Variants in SGCD observed in about 807,000 individuals in gnomAD.
SGCD encodes the protein sarcoglycan delta.
SGCD carries 18 observed loss-of-function variants against 36.6 expected under a neutral mutation model. The ratio of observed to expected loss-of-function variants is 0.49; its 90% CI spans 0.34 to 0.73. The LOEUF (loss-of-function observed/expected upper bound fraction) is 0.73. SGCD is among the 30% of genes least tolerant of loss of function. The pLI is 0.01. For missense variants in SGCD, 387 were observed against 346.7 expected, an observed-to-expected ratio of 1.12 and a Z score of -0.92; for synonymous variants, 133 against 130.6, an observed-to-expected ratio of 1.02 and a Z score of -0.12.
intron 1 of SGCD, among the ~76,000 whole-genome samples, chr5:156,021,230 C>T (rs576225564): frequency 6.6e-6 from 1 of 152,180 alleles, no homozygotes; most frequent in South Asian, 2.1e-4. Context: ...AGGGGCTTTT[C>T]ATAATTTTTT....
intron 6 of SGCD, among the ~76,000 whole-genome samples, chr5:156,608,967 CA>C (rs1761634899): frequency 6.6e-6 from 1 of 152,204 alleles, no homozygotes; most frequent in South Asian, 2.1e-4. Flanking sequence ...TTCCTGAATA[CA>C]GCACACTGAT....
At chr5:156,734,825 A>G (rs927232155) in intron 7 of SGCD, among the ~76,000 whole-genome samples, 1 of 152,192 alleles carries the variant, frequency 6.6e-6, no homozygotes, top group Non-Finnish European at 1.5e-5. Context: ...TATTTAGCTC[A>G]GTCAACTTTG....
chr5:156,461,028 G>T (rs1754462475), intron 3 of SGCD, among the ~76,000 whole-genome samples: 1 of 152,154 alleles, frequency 6.6e-6, no homozygotes, highest in African/African-American at 2.4e-5. Context: ...AGCTCATAGA[G>T]AAAGTGGTTC....
intron 6 of SGCD, among the ~76,000 whole-genome samples, chr5:156,628,525 A>G (rs552178141): frequency 6.6e-6 from 1 of 152,260 alleles, no homozygotes; most frequent in East Asian, 1.9e-4. Flanking sequence ...TACTTAGTTT[A>G]TAATGAGAAC....
chr5:155,972,830 A>G (rs534020691), intron 1 of SGCD, among the ~76,000 whole-genome samples: 26 of 152,260 alleles, frequency 1.7e-4, no homozygotes, highest in Non-Finnish European at 3.4e-4. Context: ...TGATTTCAAG[A>G]ATCTTTTCAT....
At chr5:155,871,080 G>A (rs563432571) in intron 1 of SGCD, among the ~76,000 whole-genome samples, 1 of 152,108 alleles carries the variant, frequency 6.6e-6, no homozygotes, top group East Asian at 1.9e-4. Context: ...GACTTGGATT[G>A]CAAGAGGAAG....
intron 7 of SGCD, among the ~76,000 whole-genome samples, chr5:156,728,970 C>G (rs1755923231): frequency 6.6e-6 from 1 of 152,116 alleles, no homozygotes; most frequent in Non-Finnish European, 1.5e-5. Context: ...CAGGAAGAAG[C>G]CCTTGAAACC....
chr5:156,190,538 A>T (rs1021683386), intron 3 of SGCD, among the ~76,000 whole-genome samples: 2 of 152,122 alleles, frequency 1.3e-5, no homozygotes, highest in African/African-American at 4.8e-5. Flanking sequence ...CCAAATCAAT[A>T]ATATCTGCTA....
upstream of SGCD, among the ~76,000 whole-genome samples, chr5:155,869,857 G>T (rs1755597794): frequency 6.6e-6 from 1 of 152,104 alleles, no homozygotes; most frequent in Non-Finnish European, 1.5e-5. Context: ...AAATTAGCTG[G>T]ATGTGGCGGT....
chr5:156,530,562 C>A (rs1322831915), intron 4 of SGCD, among the ~76,000 whole-genome samples: 1 of 149,424 alleles, frequency 6.7e-6, no homozygotes, highest in East Asian at 2.0e-4. Context: ...CTTTTCTTTT[C>A]TTTTCCTTTT....
intron 7 of SGCD, among the ~76,000 whole-genome samples, chr5:156,706,247 T>C (rs75252927): frequency 0.044 from 6,645 of 152,186 alleles, 490 homozygotes; most frequent in African/African-American, 0.15. Flanking sequence ...ATTCAAGACA[T>C]CACTGTCTTG....
chr5:156,375,523 T>G (rs557866750), intron 3 of SGCD, among the ~76,000 whole-genome samples: 1 of 151,996 alleles, frequency 6.6e-6, no homozygotes, highest in African/African-American at 2.4e-5. Flanking sequence ...GTCACCCATG[T>G]GTAATATTAA....
chr5:156,148,130 C>T (rs926075688), intron 3 of SGCD, among the ~76,000 whole-genome samples: 6 of 152,088 alleles, frequency 3.9e-5, no homozygotes, highest in African/African-American at 1.4e-4. Context: ...TGTGTGTCTT[C>T]CTTGAAGATG....
At chr5:156,570,172 T>A (rs1035363353) in intron 4 of SGCD, among the ~76,000 whole-genome samples, 8 of 152,186 alleles carry the variant, frequency 5.3e-5, no homozygotes, top group African/African-American at 1.9e-4. Flanking sequence ...TTAATTTGAT[T>A]TATAATTTAA....
At chr5:156,757,861 T>C (rs1167909951) in intron 8 of SGCD, 157 bp downstream of exon 8, 4 of 1,320,268 alleles carry the variant, frequency 3.0e-6, no homozygotes, top group Admixed American at 3.6e-5. Flanking sequence ...AGCATGATTA[T>C]AAGCCAAACC....
At chr5:156,290,444 G>A (rs1011355939) in intron 3 of SGCD, among the ~76,000 whole-genome samples, 2 of 152,138 alleles carry the variant, frequency 1.3e-5, no homozygotes, top group South Asian at 2.1e-4. Context: ...TTCCAGTGCT[G>A]CTCCAACACT....
At chr5:156,187,613 A>C (rs1232292644) in intron 3 of SGCD, among the ~76,000 whole-genome samples, 1 of 144,160 alleles carries the variant, frequency 6.9e-6, no homozygotes, top group African/African-American at 2.5e-5. Context: ...GGCATGATGT[A>C]TGAGGATTAG....
chr5:155,871,013 G>A (rs1458991364), intron 1 of SGCD, among the ~76,000 whole-genome samples: 1 of 152,114 alleles, frequency 6.6e-6, no homozygotes, highest in African/African-American at 2.4e-5. Context: ...AAAGGTGGGG[G>A]TGATGAGTGT....
chr5:156,165,801 T>C (rs556581836), intron 3 of SGCD, among the ~76,000 whole-genome samples: 1 of 152,344 alleles, frequency 6.6e-6, no homozygotes, highest in South Asian at 2.1e-4. Context: ...CTTATTGCTT[T>C]TGGTCTTAAG....
Sources: allele counts gnomAD v4.1 joint callset (sites outside exome capture counted in the v4.1 genomes callset), GRCh38; gene constraint gnomAD v4.1.1; transcripts MANE v1.5; gene names NCBI Gene and HGNC (gene_info 2026-07-23, HGNC 2026-07-21).